Variants in CCDC171 observed in about 807,000 individuals in gnomAD.
CCDC171 encodes the protein coiled-coil domain-containing protein 171.
A neutral mutation model predicts 168.2 loss-of-function variants in CCDC171; 177 were observed. That is an observed-to-expected ratio of 1.05 (90% CI 0.93 to 1.19). CCDC171 has a LOEUF of 1.19. Among genes scored for constraint, CCDC171 ranks in the 50% most tolerant of loss-of-function variants. The pLI is 0.00. For synonymous variants in CCDC171, 687 were observed against 540.8 expected (o/e 1.27, Z -3.75); for missense variants, 1,991 against 1,539.0 (o/e 1.29, Z -4.91).
intron 10 of CCDC171, among the ~76,000 whole-genome samples, chr9:15,686,528 A>AT (rs1354564407): frequency 3.3e-5 from 5 of 152,266 alleles, no homozygotes; most frequent in Admixed American, 6.5e-5. Context: ...AAATAAAAAA[A>AT]TAAAAAAAAG....
rs192219535 is a variant in CCDC171, at chr9:15,816,766, A to G, written c.3268-29936A>G. Among the ~76,000 whole-genome samples the G allele has an allele frequency of 1.7e-5, 2 of 119,362 alleles. 1 individual carries two copies. Among genetic ancestry groups the G allele is most frequent in the East Asian group, 4.2e-4 (2 of 4,738 alleles). The allele number at this position is 119,362 out of a possible 152,430, so 78.3% of individuals were successfully genotyped here. ...GAGCCACTGGGTGAATGGAATTGCT[A>G]TTAAGCAGTTATTAAGATAATTTAA... On this transcript the variant is annotated intron_variant, in intron 21 of 25. Coordinates refer to ENST00000380701, the MANE Select transcript of CCDC171 (RefSeq NM_173550.4).
At chr9:15,932,467 C>A (rs10756721) in intron 25 of CCDC171, among the ~76,000 whole-genome samples, 48,622 of 151,666 alleles carry the variant, frequency 0.32, 9,567 homozygotes, top group East Asian at 0.62. Context: ...TTATATCCTG[C>A]AACTTTACTG....
the CCDC171 span, among the ~76,000 whole-genome samples, chr9:16,097,155 C>T: frequency 2.0e-5 from 3 of 152,290 alleles, no homozygotes; most frequent in South Asian, 2.1e-4. Flanking sequence ...GCCTATCATG[C>T]TGAGGCTCCC....
At chr9:15,792,062 C>G (rs180998551) in intron 21 of CCDC171, among the ~76,000 whole-genome samples, 1 of 152,054 alleles carries the variant, frequency 6.6e-6, no homozygotes, top group East Asian at 1.9e-4. Flanking sequence ...CGCAAAGAAG[C>G]TAAAAACCTT....
chr9:15,765,483 A>G (rs191253773), intron 18 of CCDC171, among the ~76,000 whole-genome samples: 14 of 152,332 alleles, frequency 9.2e-5, no homozygotes, highest in Admixed American at 4.6e-4. Flanking sequence ...CAAACAGTTC[A>G]GGCATTGTAA....
At chr9:16,015,225 C>A (rs2133001293) in intron 3 of CCDC171, among the ~76,000 whole-genome samples, 1 of 152,308 alleles carries the variant, frequency 6.6e-6, no homozygotes, top group South Asian at 2.1e-4. Context: ...TCACCTTACA[C>A]TTCTATGTAA....
intron 18 of CCDC171, among the ~76,000 whole-genome samples, chr9:15,751,728 C>T (rs1385675503): frequency 6.6e-6 from 1 of 152,166 alleles, no homozygotes; most frequent in Non-Finnish European, 1.5e-5. Context: ...GAAACTGGAT[C>T]CCTTCCTTAC....
At chr9:15,682,711 A>C (rs2050121526) in intron 10 of CCDC171, among the ~76,000 whole-genome samples, 1 of 151,992 alleles carries the variant, frequency 6.6e-6, no homozygotes, top group Non-Finnish European at 1.5e-5. Flanking sequence ...GGTTTTCAAC[A>C]TAGGACATCC....
chr9:16,051,283 C>A (rs1025984085), intron 1 of CCDC171, among the ~76,000 whole-genome samples: 1 of 152,094 alleles, frequency 6.6e-6, no homozygotes, highest in Non-Finnish European at 1.5e-5. Flanking sequence ...TCACTTAGTC[C>A]CTCTGACCTC....
chr9:16,021,894 T>C (rs564791332), intron 4 of CCDC171, among the ~76,000 whole-genome samples: 2 of 152,226 alleles, frequency 1.3e-5, no homozygotes, highest in Non-Finnish European at 2.9e-5. Context: ...TGATGAGTGA[T>C]GAGCATGTGG....
chr9:15,910,500 G>T (rs977227192), intron 24 of CCDC171, among the ~76,000 whole-genome samples: 2 of 151,930 alleles, frequency 1.3e-5, no homozygotes, highest in Non-Finnish European at 2.9e-5. Context: ...TAGGTTATGT[G>T]ATGTCTCTAG....
downstream of CCDC171, among the ~76,000 whole-genome samples, chr9:16,062,171 G>A (rs1196063471): frequency 6.6e-6 from 1 of 151,924 alleles, no homozygotes; most frequent in Non-Finnish European, 1.5e-5. Context: ...GGGATGATAG[G>A]GAAAACAAAC....
intron 24 of CCDC171, among the ~76,000 whole-genome samples, chr9:15,910,090 G>A (rs1323113072): frequency 2.0e-5 from 3 of 151,752 alleles, no homozygotes; most frequent in Non-Finnish European, 4.4e-5. Flanking sequence ...CACTTATAAT[G>A]GCCTTAATTA....
chr9:15,874,767 A>T (rs543335058), intron 24 of CCDC171, 104 bp downstream of exon 24: 3 of 1,051,824 alleles, frequency 2.9e-6, no homozygotes, highest in South Asian at 5.7e-5. Context: ...AATTTAAAGG[A>T]GATGCAAATA....
chr9:15,633,906 C>G (rs1043595030), intron 7 of CCDC171, among the ~76,000 whole-genome samples: 2 of 152,068 alleles, frequency 1.3e-5, no homozygotes, highest in South Asian at 4.1e-4. Context: ...TCATCATTCT[C>G]AGTAAACTAT....
At chr9:15,771,917 C>G (rs564741339) in intron 18 of CCDC171, among the ~76,000 whole-genome samples, 28 of 152,250 alleles carry the variant, frequency 1.8e-4, no homozygotes, top group Admixed American at 1.3e-3. Flanking sequence ...ACTGCAACCT[C>G]TGCCTCCCGG....
chr9:15,729,046 G>T (rs2053994660), intron 15 of CCDC171, among the ~76,000 whole-genome samples: 1 of 152,048 alleles, frequency 6.6e-6, no homozygotes, highest in Non-Finnish European at 1.5e-5. Context: ...GTACATAATG[G>T]ATTTGAAAAT....
rs768671531 is a variant in CCDC171 at position 15,729,651 on chromosome 9, G to A, written c.1902G>A (p.Thr634=). ...LEYICKNKSD[T]MRELQQTQED... is the part of the protein sequence containing the mutation. ...ATATCTGTAAAAACAAGTCTGACAC[G>A]ATGAGAGAGCTTCAGCAGACTCAGG... is the stretch of plus-strand genomic sequence containing the variant. Residue 634 remains threonine, a synonymous_variant, in exon 16 of 26, where the codon ACG becomes ACA. Coordinates refer to ENST00000380701, the MANE Select transcript of CCDC171 (RefSeq NM_173550.4). 70 of 1,612,856 alleles carry A rather than the reference G, an allele frequency of 4.3e-5. No homozygotes were observed. The highest frequency in any genetic ancestry group is 5.4e-5 in the Non-Finnish European group (64 of 1,179,304).
chr9:16,018,083 T>G (rs1019064505), intron 3 of CCDC171, among the ~76,000 whole-genome samples: 2 of 152,210 alleles, frequency 1.3e-5, no homozygotes, highest in Non-Finnish European at 2.9e-5. Flanking sequence ...AAGATTTTTT[T>G]AGCTTCTACA....
Sources: gnomAD v4.1 joint callset for allele counts (sites outside exome capture counted in the v4.1 genomes callset) on GRCh38, gnomAD v4.1.1 for gene constraint, MANE v1.5 for transcripts, NCBI Gene and HGNC (gene_info 2026-07-23, HGNC 2026-07-21) for gene names.